FIRRM: variants seen among roughly 807,000 people sequenced by gnomAD.
FIRRM encodes the protein FIGNL1 interacting regulator of recombination and mitosis, also known as FIGNL1-interacting regulator of recombination and mitosis.
chr1:169,823,441 A>G, the FIRRM span: 2 of 1,605,010 alleles, frequency 1.2e-6, no homozygotes. Flanking sequence ...TTCTTGCTGT[A>G]CTTTGCACCA....
the FIRRM span, chr1:169,821,839 A>G: frequency 8.5e-6 from 8 of 946,084 alleles, no homozygotes; most frequent in Non-Finnish European, 1.1e-5. Flanking sequence ...CACAGAATAG[A>G]AATTTCAAGC....
chr1:169,851,877 A>G, the FIRRM span: 7 of 1,614,008 alleles, frequency 4.3e-6, no homozygotes, highest in Non-Finnish European at 5.9e-6. Flanking sequence ...GGAAAAAGGT[A>G]TTTTCTGGGA....
the FIRRM span, among the ~76,000 whole-genome samples, chr1:169,835,541 A>G: frequency 2.0e-5 from 3 of 152,246 alleles, no homozygotes; most frequent in East Asian, 5.8e-4. Flanking sequence ...TCTCTTTCCA[A>G]TTTTAAGAAG....
At chr1:169,817,840 T>G in the FIRRM span, among the ~76,000 whole-genome samples, 6 of 152,222 alleles carry the variant, frequency 3.9e-5, 1 homozygote, top group Non-Finnish European at 7.3e-5. Flanking sequence ...ACAATTTTTG[T>G]TAAAGAGTAG....
At chr1:169,818,407 C>T in the FIRRM span, among the ~76,000 whole-genome samples, 13 of 152,196 alleles carry the variant, frequency 8.5e-5, no homozygotes, top group African/African-American at 1.4e-4. Flanking sequence ...GACCTTAAAG[C>T]ATTTAGCAAA....
chr1:169,814,725 A>G, the FIRRM span, among the ~76,000 whole-genome samples: 1 of 152,234 alleles, frequency 6.6e-6, no homozygotes, highest in Non-Finnish European at 1.5e-5. Context: ...TTGTAAATAG[A>G]CAGTGTTAAT....
At chr1:169,822,086 A>T in the FIRRM span, among the ~76,000 whole-genome samples, 1 of 152,224 alleles carries the variant, frequency 6.6e-6, no homozygotes, top group African/African-American at 2.4e-5. Context: ...GTTAGAGAAA[A>T]CTTTGCTTCC....
At chr1:169,810,229 C>G in the FIRRM span, among the ~76,000 whole-genome samples, 1 of 151,916 alleles carries the variant, frequency 6.6e-6, no homozygotes, top group Non-Finnish European at 1.5e-5. Context: ...CACCAATCTT[C>G]AAGCCATATC....
chr1:169,843,583 C>G, the FIRRM span: 2 of 742,096 alleles, frequency 2.7e-6, no homozygotes, highest in Non-Finnish European at 4.7e-6. Context: ...TAACATATTA[C>G]CTGATATATA....
the FIRRM span, among the ~76,000 whole-genome samples, chr1:169,814,113 T>A: frequency 3.3e-5 from 5 of 152,242 alleles, no homozygotes; most frequent in Non-Finnish European, 5.9e-5. Flanking sequence ...GTGATTATAC[T>A]ATAAATTTAT....
the FIRRM span, among the ~76,000 whole-genome samples, chr1:169,814,915 A>G: frequency 5.9e-5 from 9 of 152,200 alleles, no homozygotes; most frequent in South Asian, 4.1e-4. Flanking sequence ...TGTTCTCCAC[A>G]TGATGCACAC....
At chr1:169,837,167 T>G in the FIRRM span, 1 of 1,439,628 alleles carries the variant, frequency 6.9e-7, no homozygotes, top group Non-Finnish European at 9.3e-7. Context: ...TATTGAGCAT[T>G]GTTTTAGGTA....
chr1:169,851,075 G>T, the FIRRM span: 1 of 33,716 alleles, frequency 3.0e-5, no homozygotes, highest in Non-Finnish European at 5.0e-5. Flanking sequence ...TTTTTTTTTG[G>T]CATGGCTTTT....
the FIRRM span, among the ~76,000 whole-genome samples, chr1:169,829,862 C>G: frequency 6.6e-6 from 1 of 152,078 alleles, no homozygotes; most frequent in African/African-American, 2.4e-5. Context: ...ATTTAAAGAT[C>G]AGTAGCATTT....
the FIRRM span, among the ~76,000 whole-genome samples, chr1:169,840,469 G>C: frequency 2.6e-5 from 4 of 151,386 alleles, no homozygotes; most frequent in Non-Finnish European, 5.9e-5. Context: ...CTAGGGGTGT[G>C]CGTGTATCTA....
the FIRRM span, chr1:169,853,086 G>C: frequency 2.4e-5 from 26 of 1,082,840 alleles, no homozygotes; most frequent in Non-Finnish European, 3.5e-5. Flanking sequence ...TTGTAAAGTT[G>C]AATCTAGTGA....
chr1:169,826,055 C>A, the FIRRM span: 1 of 298,678 alleles, frequency 3.3e-6, no homozygotes, highest in Non-Finnish European at 6.8e-6. Flanking sequence ...ATTCAGCATT[C>A]TGCCTATTTT....
the FIRRM span, chr1:169,829,547 A>G: frequency 8.9e-7 from 1 of 1,122,688 alleles, no homozygotes; most frequent in Non-Finnish European, 1.2e-6. Flanking sequence ...GGGAATACTT[A>G]GTATATTCCT....
the FIRRM span, chr1:169,827,662 C>T: frequency 1.2e-4 from 197 of 1,602,544 alleles, no homozygotes; most frequent in Non-Finnish European, 1.6e-4. Context: ...TATTCCTTTA[C>T]GTATTAATCA....
Sources: allele counts gnomAD v4.1 joint callset (sites outside exome capture counted in the v4.1 genomes callset), GRCh38; gene constraint gnomAD v4.1.1; transcripts MANE v1.5; gene names NCBI Gene and HGNC (gene_info 2026-07-23, HGNC 2026-07-21).